DACH1: variants seen among roughly 807,000 people sequenced by gnomAD.
The protein encoded by DACH1 is dachshund homolog 1.
DACH1 carries 12 observed loss-of-function variants against 54.2 expected under a neutral mutation model. That is an observed-to-expected ratio of 0.22 (90% confidence interval 0.14 to 0.36). The LOEUF is 0.36. Among genes scored for constraint, DACH1 ranks in the 10% least tolerant of loss-of-function variants. The probability of loss-of-function intolerance (pLI) is 1.00; values close to 1 mark genes in which losing one functional copy is unlikely to be tolerated. For synonymous variants in DACH1, 386 were observed against 366.2 expected (o/e 1.05, Z -0.62); for missense variants, 805 against 929.8 (o/e 0.87, Z 1.75).
Position 71,865,914 on chromosome 13 carries a change from C to T in DACH1, c.848+8G>A. On this transcript the variant is annotated splice_region_variant and intron_variant, in intron 1 of 10. Transcript: ENST00000613252. ...CGCGGGCGGCGGGGGCTATCCCCCC[C>T]GACTCACCTTGCGTTGGTGCAGTCA... The T allele has an allele frequency of 6.3e-7, 1 of 1,594,802 alleles. No individual in the cohort carries two copies. Among genetic ancestry groups the T allele is most frequent in the Non-Finnish European group, 8.5e-7 (1 of 1,170,130 alleles).
chr13:71,604,835 T>C (rs1036558357), intron 3 of DACH1, among the ~76,000 whole-genome samples: 1 of 151,872 alleles, frequency 6.6e-6, no homozygotes, highest in African/African-American at 2.4e-5. Flanking sequence ...AAAGGGACTT[T>C]CAAAGGATCT....
chr13:71,650,223 C>T (rs1878576511), intron 2 of DACH1, among the ~76,000 whole-genome samples: 1 of 152,120 alleles, frequency 6.6e-6, no homozygotes, highest in African/African-American at 2.4e-5. Context: ...TCAATCAATA[C>T]ATATCAAGAG....
chr13:71,445,190 TGAA>T (rs1056342884), intron 10 of DACH1, among the ~76,000 whole-genome samples: 6 of 152,154 alleles, frequency 3.9e-5, no homozygotes, highest in African/African-American at 1.4e-4. Context: ...GTTAAACTTT[TGAA>T]GAAAGAAATT....
intron 1 of DACH1, among the ~76,000 whole-genome samples, chr13:71,804,933 AAC>A (rs1287310966): frequency 2.0e-5 from 3 of 152,184 alleles, no homozygotes; most frequent in Admixed American, 2.0e-4. Flanking sequence ...TCTTCTCTGG[AAC>A]ACAGAACACA....
At chr13:71,668,920 T>C (rs1157389804) in intron 2 of DACH1, among the ~76,000 whole-genome samples, 1 of 151,984 alleles carries the variant, frequency 6.6e-6, no homozygotes, top group African/African-American at 2.4e-5. Context: ...AACAAAACTC[T>C]GTCTCAAATA....
intron 6 of DACH1, among the ~76,000 whole-genome samples, chr13:71,541,063 G>GTAA (rs1408127053): frequency 6.6e-6 from 1 of 151,832 alleles, no homozygotes; most frequent in Non-Finnish European, 1.5e-5. Flanking sequence ...TAAATATTAT[G>GTAA]TAATAATGAA....
At chr13:71,473,564 T>G (rs1437148799) in intron 10 of DACH1, among the ~76,000 whole-genome samples, 1 of 152,196 alleles carries the variant, frequency 6.6e-6, no homozygotes, top group African/African-American at 2.4e-5. Flanking sequence ...CATAGCCTTA[T>G]TAACAACCAA....
Position 71,710,117 on chromosome 13 carries a change from A to T in DACH1, c.849-28207T>A, listed in dbSNP as rs73523463. ...TATCTTGCATCCAAATGTGATTATA[A>T]ATAGTCTACTTATTGGGAACAGAGA... On this transcript the variant is annotated intron_variant, in intron 1 of 10. Transcript: ENST00000613252. Among the ~76,000 whole-genome samples the T allele has an allele frequency of 7.5e-3, 1,147 of 152,286 alleles. 21 individuals are homozygous for T. The highest frequency in any genetic ancestry group is 0.026 in the African/African-American group (1,086 of 41,552).
intron 1 of DACH1, among the ~76,000 whole-genome samples, chr13:71,856,313 T>A (rs1225170534): frequency 6.6e-6 from 1 of 152,066 alleles, no homozygotes; most frequent in South Asian, 2.1e-4. Flanking sequence ...GGAAGCACTG[T>A]TCCTGGCTAC....
At chr13:71,484,647 A>C (rs1245927473) in intron 7 of DACH1, among the ~76,000 whole-genome samples, 1 of 152,048 alleles carries the variant, frequency 6.6e-6, no homozygotes, top group Non-Finnish European at 1.5e-5. Context: ...TTACATTTTC[A>C]CTTTTTAGTT....
At chr13:71,510,253 T>A (rs897317058) in intron 6 of DACH1, among the ~76,000 whole-genome samples, 2 of 152,062 alleles carry the variant, frequency 1.3e-5, no homozygotes, top group African/African-American at 4.8e-5. Context: ...ATACGAATCC[T>A]CTAATGATCT....
rs180752679 is a variant in DACH1, at chr13:71,461,363, T to C, written c.2083+13778A>G. 1.3e-3 allele frequency among the ~76,000 whole-genome samples: 197 copies of C among 152,158 alleles called. 1 individual carries two copies. Among genetic ancestry groups the C allele is most frequent in the Non-Finnish European group, 1.5e-3 (101 of 67,944 alleles). Reference sequence around the variant, plus strand: ...AGAGCTTTGGGAGCTTTTTCCTTTATTTATGACTGAACTGCTATTTTCAAA... The same window carrying C: ...AGAGCTTTGGGAGCTTTTTCCTTTACTTATGACTGAACTGCTATTTTCAAA... On this transcript the variant is annotated intron_variant, in intron 10 of 10. Transcript: ENST00000613252.
chr13:71,714,319 C>T lies in DACH1; in HGVS notation c.849-32409G>A, dbSNP rs530420556. On this transcript the variant is annotated intron_variant, in intron 1 of 10. Transcript: ENST00000613252. ...TAAAAATATTAACAGAACGAAGAAA[C>T]GGGGACAATTAAACAAAACAAAACA... 5.3e-4 allele frequency among the ~76,000 whole-genome samples: 80 copies of T among 151,484 alleles called. No individual in the cohort carries two copies. The Middle Eastern group carries it at 0.01, about 19-fold the overall frequency.
chr13:71,748,882 CTT>C (rs766499879), intron 1 of DACH1, among the ~76,000 whole-genome samples: 290 of 18,676 alleles, frequency 0.016, 1 homozygote, highest in Non-Finnish European at 0.03. Context: ...TTCTTTCTTT[CTT>C]TCTTTCTTTC....
At chr13:71,453,679 C>A (rs1875285217) in intron 10 of DACH1, among the ~76,000 whole-genome samples, 1 of 151,980 alleles carries the variant, frequency 6.6e-6, no homozygotes, top group South Asian at 2.1e-4. Context: ...AAACATTATA[C>A]TTGTTTAGGG....
At chr13:71,837,748 G>GCAAAGACTTGAAAC (rs368052367) in intron 1 of DACH1, among the ~76,000 whole-genome samples, 1 of 139,576 alleles carries the variant, frequency 7.2e-6, no homozygotes, top group African/African-American at 2.7e-5. Flanking sequence ...ATTCACAATA[G>GCAAAGACTTGAAAC]CAACCCAAAT....
At chr13:71,864,431 A>G (rs1244157766) in intron 1 of DACH1, among the ~76,000 whole-genome samples, 3 of 151,998 alleles carry the variant, frequency 2.0e-5, no homozygotes, top group African/African-American at 7.3e-5. Flanking sequence ...TTTTCAACCC[A>G]ATGTCCTTCT....
At chr13:71,512,783 T>G (rs1880878341) in intron 6 of DACH1, among the ~76,000 whole-genome samples, 1 of 151,958 alleles carries the variant, frequency 6.6e-6, no homozygotes, top group African/African-American at 2.4e-5. Flanking sequence ...TGTGTCTAAA[T>G]TGATTCTTAA....
At chr13:71,535,370 T>C (rs1882699782) in intron 6 of DACH1, among the ~76,000 whole-genome samples, 1 of 151,954 alleles carries the variant, frequency 6.6e-6, no homozygotes, top group Non-Finnish European at 1.5e-5. Flanking sequence ...TTCCAAATAA[T>C]GTATCATTAA....
Sources: gnomAD v4.1 joint callset for allele counts (sites outside exome capture counted in the v4.1 genomes callset) on GRCh38, gnomAD v4.1.1 for gene constraint, MANE v1.5 for transcripts, NCBI Gene and HGNC (gene_info 2026-07-23, HGNC 2026-07-21) for gene names.